WTAP: variants seen among roughly 807,000 people sequenced by gnomAD.
WTAP encodes pre-mRNA-splicing regulator WTAP.
A neutral mutation model predicts 50.0 loss-of-function variants in WTAP; 8 were observed. That is an observed-to-expected ratio of 0.16 (90% CI 0.09 to 0.29). WTAP has a LOEUF of 0.29. Among genes scored for constraint, WTAP ranks in the 10% least tolerant of loss-of-function variants. The probability of loss-of-function intolerance (pLI) is 1.00; values close to 1 mark genes in which losing one functional copy is unlikely to be tolerated. For missense variants in WTAP, 295 were observed against 470.7 expected, an observed-to-expected ratio of 0.63 and a Z score of 3.45; for synonymous variants, 194 against 169.0, an observed-to-expected ratio of 1.15 and a Z score of -1.15.
intron 1 of WTAP, among the ~76,000 whole-genome samples, chr6:159,735,631 C>T (rs1283364820): frequency 1.3e-5 from 2 of 152,092 alleles, no homozygotes; most frequent in African/African-American, 2.4e-5. Context: ...CACCTGTAGT[C>T]CCAGCTATTT....
chr6:159,726,712 C>A (rs1411844195), upstream of WTAP: 19 of 1,233,234 alleles, frequency 1.5e-5, no homozygotes, highest in Admixed American at 2.5e-5. Context: ...GCGGACACAG[C>A]GCAACCTCCG....
chr6:159,748,268 C>G lies in WTAP; in HGVS notation c.351C>G (p.Ile117Met). The G allele has an allele frequency of 1.2e-6, 2 of 1,614,014 alleles. No individual in the cohort carries two copies. Among genetic ancestry groups the G allele is most frequent in the Non-Finnish European group, 1.7e-6 (2 of 1,179,968 alleles). The change falls in exon 6 of 8, where the codon ATC becomes ATG. Residue 117 changes from isoleucine to methionine, a missense_variant. Ile to Met is a conservative substitution (Grantham distance 10). Transcript: ENST00000621533. This position sits in a 1 kb window ranked among gnomAD's most constrained non-coding sequence, Gnocchi z 5.6. ...GATCAACAATGGTAGACCCAGCGAT[C>G]AACTTGTTTTTCCTAAAAATGAAAG... ...QLRSTMVDPAINLFFLKMKGE... is the reference protein window; with the variant it reads ...QLRSTMVDPAMNLFFLKMKGE...
chr6:159,727,219 G>A (rs1285975424), upstream of WTAP: 2 of 1,266,464 alleles, frequency 1.6e-6, no homozygotes, highest in African/African-American at 3.1e-5. Context: ...GCTCCATTGT[G>A]CCTCGAGGCC....
chr6:159,752,019 C>T (rs1215491114), intron 6 of WTAP, among the ~76,000 whole-genome samples: 5 of 150,328 alleles, frequency 3.3e-5, no homozygotes, highest in African/African-American at 4.9e-5. Flanking sequence ...GCTGAGATCA[C>T]GCCACTGCAC....
chr6:159,747,856 AT>A (rs1779665742), intron 5 of WTAP, among the ~76,000 whole-genome samples: 1 of 151,722 alleles, frequency 6.6e-6, no homozygotes, highest in Non-Finnish European at 1.5e-5. Context: ...TGGAGATGTA[AT>A]CAAATGGCCT....
chr6:159,734,898 T>C (rs1338202803), intron 1 of WTAP, among the ~76,000 whole-genome samples: 1 of 152,182 alleles, frequency 6.6e-6, no homozygotes, highest in Non-Finnish European at 1.5e-5. Flanking sequence ...ATTACACATT[T>C]TTTCTTTGTC....
chr6:159,737,290 A>G (rs1778979427), intron 2 of WTAP, among the ~76,000 whole-genome samples: 1 of 152,126 alleles, frequency 6.6e-6, no homozygotes, highest in Non-Finnish European at 1.5e-5. Flanking sequence ...CTCAAGAGAT[A>G]GCCACCTGCC....
chr6:159,732,685 G>A (rs1316821666), intron 1 of WTAP, among the ~76,000 whole-genome samples: 3 of 152,072 alleles, frequency 2.0e-5, no homozygotes, highest in Admixed American at 6.6e-5. Context: ...TTAGCCGGGC[G>A]TGGTGGCAGG....
At chr6:159,754,014 T>G (rs1292215467) in intron 7 of WTAP, among the ~76,000 whole-genome samples, 1 of 152,214 alleles carries the variant, frequency 6.6e-6, no homozygotes, top group African/African-American at 2.4e-5. Context: ...ATAAAGTTGA[T>G]TGTATCTGTG....
chr6:159,755,605 T>A lies in WTAP; in HGVS notation c.1185T>A (p.Val395=). 1 of 1,590,382 alleles carries A rather than the reference T, an allele frequency of 6.3e-7. No individual in the cohort carries two copies. The highest frequency in any genetic ancestry group is 1.4e-5 in the African/African-American group (1 of 74,040). The change falls in exon 8 of 8, where the codon GTT becomes GTA. Residue 395 remains valine, a synonymous_variant. Coordinates refer to ENST00000621533, the MANE Select transcript of WTAP (RefSeq NM_001270531.2). The stretch of plus-strand genomic sequence containing the variant: ...CAAGTGTAAATGTACAGGGTTCAGT[T>A]TTGTAATATTTTTTCAGCAAATTTT... The part of the protein sequence containing the change: ...LDSSVNVQGS[V]L
chr6:159,729,227 T>G (rs1320897120), intron 1 of WTAP, among the ~76,000 whole-genome samples: 3 of 152,196 alleles, frequency 2.0e-5, no homozygotes, highest in Non-Finnish European at 4.4e-5. Flanking sequence ...TGTATTTGCT[T>G]CTTGCTCCTC....
intron 3 of WTAP, 52 bp from the exon 4 acceptor site, chr6:159,742,036 T>C (rs1779286053): frequency 1.5e-6 from 2 of 1,295,830 alleles, no homozygotes; most frequent in Non-Finnish European, 2.2e-6. Flanking sequence ...TTCTAGTTTA[T>C]TTAATAAACT....
intron 7 of WTAP, 95 bp from the exon 8 acceptor site, chr6:159,754,933 C>T (rs967535041): frequency 1.4e-5 from 18 of 1,252,220 alleles, no homozygotes; most frequent in Middle Eastern, 2.4e-4. Flanking sequence ...TTTACTTGAG[C>T]GTTTATTGAC....
chr6:159,744,814 T>C (rs950122838), intron 5 of WTAP, among the ~76,000 whole-genome samples: 2 of 152,060 alleles, frequency 1.3e-5, no homozygotes, highest in Non-Finnish European at 2.9e-5. Flanking sequence ...CCCGAGTAAC[T>C]GATTTCAGGT....
At chr6:159,752,053 C>T (rs1426083306) in intron 6 of WTAP, among the ~76,000 whole-genome samples, 1 of 149,692 alleles carries the variant, frequency 6.7e-6, no homozygotes, top group Admixed American at 6.6e-5. Context: ...CACAGTGAGA[C>T]CCCCATCTCA....
At chr6:159,728,111 G>C in intron 1 of WTAP, among the ~76,000 whole-genome samples, 1 of 152,222 alleles carries the variant, frequency 6.6e-6, no homozygotes, top group Non-Finnish European at 1.5e-5. Flanking sequence ...AGAAACATTC[G>C]TTCCCTACAT....
chr6:159,755,320 A>C lies in WTAP; in HGVS notation c.900A>C (p.Glu300Asp). The C allele has an allele frequency of 6.2e-7, 1 of 1,614,272 alleles. No individual in the cohort carries two copies. Among genetic ancestry groups the C allele is most frequent in the Non-Finnish European group, 8.5e-7 (1 of 1,180,050 alleles). ...SGFHREGNTT[E>D]DDFPSSPGNG... ...TTCACAGGGAGGGCAACACAACCGA[A>C]GATGACTTTCCTTCTTCTCCAGGGA... is the stretch of plus-strand genomic sequence containing the variant. Residue 300 changes from glutamate (E) to aspartate (D), a missense_variant, in exon 8 of 8, where the codon GAA becomes GAC. Coordinates refer to ENST00000621533, the MANE Select transcript of WTAP (RefSeq NM_001270531.2).
intron 1 of WTAP, among the ~76,000 whole-genome samples, chr6:159,733,751 T>C (rs573474892): frequency 2.0e-4 from 30 of 150,990 alleles, no homozygotes; most frequent in African/African-American, 6.8e-4. Flanking sequence ...CCGTCTCTAC[T>C]AAAAATACAA....
intron 6 of WTAP, among the ~76,000 whole-genome samples, chr6:159,751,096 GA>G (rs1779803287): frequency 6.6e-6 from 1 of 152,070 alleles, no homozygotes; most frequent in African/African-American, 2.4e-5. Context: ...GGAATGGGTT[GA>G]TTTTTTTGTT....
Sources: allele counts gnomAD v4.1 joint callset (sites outside exome capture counted in the v4.1 genomes callset), GRCh38; gene constraint gnomAD v4.1.1; non-coding constraint Gnocchi (gnomAD v3.1); transcripts MANE v1.5; gene names NCBI Gene and HGNC (gene_info 2026-07-23, HGNC 2026-07-21).